LRCH3: variants seen among roughly 807,000 people sequenced by gnomAD.
The protein encoded by LRCH3 is leucine rich repeats and calponin homology domain containing 3.
LRCH3 carries 68 observed loss-of-function variants against 104.5 expected under a neutral mutation model. The ratio of observed to expected loss-of-function variants is 0.65; its 90% CI spans 0.54 to 0.80. The LOEUF (loss-of-function observed/expected upper bound fraction) is 0.80, where lower values mean the gene tolerates loss of function less well. LRCH3 is among the 30% of genes least tolerant of loss of function. LRCH3 has a pLI of 0.00. For synonymous variants in LRCH3, 344 were observed against 361.3 expected (o/e 0.95, Z 0.54); for missense variants, 951 against 953.9 (o/e 1.00, Z 0.04).
chr3:197,880,628 T>C, intron 20 of LRCH3: 1 of 1,536,802 alleles, frequency 6.5e-7, no homozygotes, highest in Non-Finnish European at 8.7e-7. Flanking sequence ...TCTGTCTCTC[T>C]CTGCAGCTTC....
chr3:197,859,143 C>T (rs1023886542), intron 15 of LRCH3: 2 of 483,352 alleles, frequency 4.1e-6, no homozygotes, highest in East Asian at 7.3e-5. Flanking sequence ...ATGTGTCATT[C>T]TGATTTTTTT....
intron 10 of LRCH3, 32 bp from the exon 11 acceptor site, chr3:197,847,377 T>G (rs73089359): frequency 0.079 from 123,024 of 1,560,130 alleles, 5,371 homozygotes; most frequent in East Asian, 0.13. Flanking sequence ...TATCAAAGAG[T>G]TTTTTTCTTT....
At chr3:197,797,625 C>T (rs1228108379) in intron 1 of LRCH3, among the ~76,000 whole-genome samples, 1 of 151,268 alleles carries the variant, frequency 6.6e-6, no homozygotes, top group Non-Finnish European at 1.5e-5. Context: ...CTTTGGGAGG[C>T]CGAGGCAGGT....
At chr3:197,861,056 C>T (rs971708592) in intron 15 of LRCH3, among the ~76,000 whole-genome samples, 2 of 151,340 alleles carry the variant, frequency 1.3e-5, no homozygotes, top group Admixed American at 6.6e-5. Context: ...ACTGCAACCT[C>T]TGCCTCCTGG....
chr3:197,831,762 C>T (rs1240803394), intron 7 of LRCH3, among the ~76,000 whole-genome samples: 6 of 151,812 alleles, frequency 4.0e-5, no homozygotes, highest in Non-Finnish European at 7.4e-5. Flanking sequence ...GGACTACAGG[C>T]TTATGCCACC....
chr3:197,875,594 C>A (rs1315957157), intron 19 of LRCH3, 104 bp from the exon 20 acceptor site: 4 of 772,764 alleles, frequency 5.2e-6, no homozygotes, highest in Non-Finnish European at 8.4e-6. Context: ...GTCAATGATA[C>A]AGCGAGCCAG....
rs750322668 is a variant in LRCH3, at chr3:197,817,339, T to TGTATTTTGTGTGTGTGTGC, written c.534+39_534+40insATTTTGTGTGTGTGTGCGT. 7 of 425,968 alleles carry TGTATTTTGTGTGTGTGTGC rather than the reference T, an allele frequency of 1.6e-5. 3 individuals are homozygous for TGTATTTTGTGTGTGTGTGC. The highest frequency in any genetic ancestry group is 2.6e-4 in the East Asian group (2 of 7,618). The allele number at this position is 425,968 out of a possible 1,614,324, so 26.4% of individuals were successfully genotyped here. On this transcript the variant is annotated intron_variant, in intron 3 of 20. Coordinates refer to ENST00000425562, the MANE Select transcript of LRCH3 (RefSeq NM_001365715.1). ...TTTTTGATTGTCCAACATGTGTGTGTGTGTGTCTGTGTGTGTGTGTGTATA... is the reference window on the plus strand; with the variant it reads ...TTTTTGATTGTCCAACATGTGTGTGTGTATTTTGTGTGTGTGTGCGTGTGTCTGTGTGTGTGTGTGTATA...
chr3:197,806,937 G>A (rs932869135), intron 1 of LRCH3, among the ~76,000 whole-genome samples: 12 of 151,364 alleles, frequency 7.9e-5, no homozygotes, highest in African/African-American at 2.9e-4. Flanking sequence ...TACTCAGGAG[G>A]CTCAGGTCAG....
intron 10 of LRCH3, among the ~76,000 whole-genome samples, chr3:197,843,435 C>A (rs1367989536): frequency 1.3e-5 from 2 of 152,164 alleles, no homozygotes; most frequent in Non-Finnish European, 2.9e-5. Flanking sequence ...GTAATCCCAG[C>A]ACTTTGGGAG....
chr3:197,819,210 G>A (rs1734200095), intron 3 of LRCH3, among the ~76,000 whole-genome samples: 1 of 151,692 alleles, frequency 6.6e-6, no homozygotes, highest in Non-Finnish European at 1.5e-5. Flanking sequence ...CATCCTTGTT[G>A]GTTCGCTCTT....
intron 14 of LRCH3, among the ~76,000 whole-genome samples, chr3:197,857,853 A>G (rs965110760): frequency 6.6e-6 from 1 of 152,196 alleles, no homozygotes; most frequent in Non-Finnish European, 1.5e-5. Context: ...ATTGTGTGTT[A>G]CATGCTGCTT....
chr3:197,859,980 G>T (rs1740692474), intron 15 of LRCH3, among the ~76,000 whole-genome samples: 1 of 152,198 alleles, frequency 6.6e-6, no homozygotes, highest in African/African-American at 2.4e-5. Context: ...GTTAGAGCTT[G>T]CTCATTTAGG....
At chr3:197,834,815 G>A (rs182571868) in intron 8 of LRCH3, among the ~76,000 whole-genome samples, 38 of 152,272 alleles carry the variant, frequency 2.5e-4, no homozygotes, top group Admixed American at 7.2e-4. Flanking sequence ...AGGTTTTCTG[G>A]AGCCTATTTT....
At chr3:197,832,939 T>C (rs903319326) in intron 8 of LRCH3, among the ~76,000 whole-genome samples, 1 of 152,196 alleles carries the variant, frequency 6.6e-6, no homozygotes, top group Non-Finnish European at 1.5e-5. Flanking sequence ...GGGCCAGTTA[T>C]AATGGAAAAT....
intron 5 of LRCH3, among the ~76,000 whole-genome samples, chr3:197,827,940 G>A (rs368014589): frequency 2.6e-5 from 4 of 151,832 alleles, no homozygotes; most frequent in African/African-American, 4.8e-5. Context: ...AGCCGGGTGC[G>A]GTGGTGGGCG....
chr3:197,847,809 G>A lies in LRCH3; in HGVS notation c.1381-63G>A, dbSNP rs527380043. On this transcript the variant is annotated intron_variant, in intron 11 of 20. Coordinates refer to ENST00000425562, the MANE Select transcript of LRCH3 (RefSeq NM_001365715.1). ...TCAACAGTAGTTCCCTAAATTGATA[G>A]GGAATATTGGTAACGTGATCCTCAT... 331 of 1,557,076 alleles carry A rather than the reference G, an allele frequency of 2.1e-4. 5 individuals are homozygous for A. In the South Asian group the frequency reaches 3.5e-3, roughly 17 times the overall value.
intron 20 of LRCH3, among the ~76,000 whole-genome samples, chr3:197,880,027 G>T (rs9754696): frequency 1.3e-5 from 2 of 148,702 alleles, no homozygotes; most frequent in Admixed American, 6.6e-5. Flanking sequence ...CTCACTGCAA[G>T]CTCCGCCTCC....
At chr3:197,799,825 ATCACG>A (rs1731666961) in intron 1 of LRCH3, among the ~76,000 whole-genome samples, 1 of 150,190 alleles carries the variant, frequency 6.7e-6, no homozygotes. Flanking sequence ...GTGAGCCGAG[ATCACG>A]TCACTGCACT....
chr3:197,842,639 T>C (rs909297733), intron 10 of LRCH3, among the ~76,000 whole-genome samples: 1 of 152,078 alleles, frequency 6.6e-6, no homozygotes, highest in Admixed American at 6.6e-5. Context: ...CCCCTACCGC[T>C]ACCCACATAG....
Sources: gnomAD v4.1 joint callset for allele counts (sites outside exome capture counted in the v4.1 genomes callset) on GRCh38, gnomAD v4.1.1 for gene constraint, MANE v1.5 for transcripts, NCBI Gene and HGNC (gene_info 2026-07-23, HGNC 2026-07-21) for gene names.